CALD1: variants seen among roughly 807,000 people sequenced by gnomAD.
CALD1 encodes caldesmon.
A neutral mutation model predicts 99.9 loss-of-function variants in CALD1; 33 were observed. That is an observed-to-expected ratio of 0.33 (90% CI 0.25 to 0.44). The LOEUF (loss-of-function observed/expected upper bound fraction) is 0.44, where lower values mean the gene tolerates loss of function less well. Among genes scored for constraint, CALD1 ranks in the 20% least tolerant of loss-of-function variants. The pLI, the probability that CALD1 is intolerant of heterozygous loss-of-function variation, is 1.00. For synonymous variants in CALD1, 310 were observed against 325.0 expected, an observed-to-expected ratio of 0.95 and a Z score of 0.50; for missense variants, 861 against 962.1, an observed-to-expected ratio of 0.89 and a Z score of 1.39.
intron 1 of CALD1, among the ~76,000 whole-genome samples, chr7:134,786,437 T>C (rs977393131): frequency 6.6e-6 from 1 of 152,210 alleles, no homozygotes; most frequent in African/African-American, 2.4e-5. Flanking sequence ...ATTTGGGATC[T>C]TAAGTAGAAA....
chr7:134,874,324 G>A (rs893751015), intron 3 of CALD1, among the ~76,000 whole-genome samples: 4 of 151,570 alleles, frequency 2.6e-5, no homozygotes, highest in Non-Finnish European at 4.4e-5. Context: ...TCTCGAGTAG[G>A]CACACGCCAC....
chr7:134,963,085 A>G (rs765321647), intron 13 of CALD1, among the ~76,000 whole-genome samples: 11 of 152,234 alleles, frequency 7.2e-5, no homozygotes, highest in Non-Finnish European at 1.3e-4. Flanking sequence ...TTTCTTAGGT[A>G]GAAGAACGTG....
intron 1 of CALD1, among the ~76,000 whole-genome samples, chr7:134,784,567 A>G (rs976009368): frequency 2.0e-5 from 3 of 152,254 alleles, no homozygotes; most frequent in African/African-American, 7.2e-5. Flanking sequence ...AGCTTAGTGA[A>G]GTAGTGTATG....
At chr7:134,790,502 G>A (rs1296028728) in intron 1 of CALD1, among the ~76,000 whole-genome samples, 1 of 152,146 alleles carries the variant, frequency 6.6e-6, no homozygotes, top group African/African-American at 2.4e-5. Context: ...ACCAGAGCAG[G>A]AGGTTTCCGT....
At chr7:134,731,829 T>C in the CALD1 span, among the ~76,000 whole-genome samples, 1 of 152,324 alleles carries the variant, frequency 6.6e-6, no homozygotes, top group East Asian at 1.9e-4. Flanking sequence ...CTTTACTAAC[T>C]CCTTTCTGAA....
At chr7:134,878,974 CA>C (rs879511930) in intron 3 of CALD1, among the ~76,000 whole-genome samples, 80 of 142,278 alleles carry the variant, frequency 5.6e-4, no homozygotes, top group Admixed American at 5.6e-4. Context: ...GACCTTGTCT[CA>C]AAAAAAAAAA....
intron 1 of CALD1, among the ~76,000 whole-genome samples, chr7:134,820,157 A>T (rs1042481351): frequency 1.4e-4 from 21 of 152,198 alleles, no homozygotes; most frequent in African/African-American, 4.6e-4. Flanking sequence ...AACTTCTAAG[A>T]CATATTCTCA....
At chr7:134,858,616 C>G (rs1210129570) in intron 2 of CALD1, among the ~76,000 whole-genome samples, 1 of 151,982 alleles carries the variant, frequency 6.6e-6, no homozygotes. Flanking sequence ...TGTCACCAGG[C>G]TGGAGTGCGG....
At chr7:134,949,925 C>T (rs1012365479) in intron 8 of CALD1, among the ~76,000 whole-genome samples, 1 of 150,574 alleles carries the variant, frequency 6.6e-6, no homozygotes, top group Non-Finnish European at 1.5e-5. Flanking sequence ...AAAAAAATCA[C>T]AAAAAGGTCT....
intron 1 of CALD1, among the ~76,000 whole-genome samples, chr7:134,837,332 T>C (rs1346635937): frequency 6.9e-6 from 1 of 144,934 alleles, no homozygotes; most frequent in Non-Finnish European, 1.5e-5. Context: ...CAGACTTTTT[T>C]CTTTCGTTCT....
At chr7:134,782,847 C>T (rs778292242) in intron 1 of CALD1, among the ~76,000 whole-genome samples, 3 of 152,172 alleles carry the variant, frequency 2.0e-5, no homozygotes, top group East Asian at 1.9e-4. Context: ...GATATCTTCT[C>T]GCTCCTGGTT....
At chr7:134,768,358 CCTA>C (rs1455592932) in intron 1 of CALD1, among the ~76,000 whole-genome samples, 3 of 152,176 alleles carry the variant, frequency 2.0e-5, no homozygotes, top group African/African-American at 7.2e-5. Flanking sequence ...TCATCTGCAC[CCTA>C]CTGATAAAAC....
chr7:134,808,900 G>A (rs1023004099), intron 1 of CALD1, among the ~76,000 whole-genome samples: 6 of 152,172 alleles, frequency 3.9e-5, no homozygotes, highest in Admixed American at 1.3e-4. Flanking sequence ...ATTTTCAACA[G>A]TATAACATTG....
intron 1 of CALD1, among the ~76,000 whole-genome samples, chr7:134,842,324 TGTATTTTACAAGGTTGTTACA>T (rs1300965232): frequency 6.6e-6 from 1 of 152,258 alleles, no homozygotes; most frequent in East Asian, 1.9e-4. Flanking sequence ...GATAAGAATA[TGTATTTTACAAGGTTGTTACA>T]GTCATCAAAT....
chr7:134,801,931 C>A (rs1175343707), intron 1 of CALD1, among the ~76,000 whole-genome samples: 1 of 152,116 alleles, frequency 6.6e-6, no homozygotes, highest in African/African-American at 2.4e-5. Context: ...GATATTATTA[C>A]ATTTTCTTCT....
At chr7:134,735,579 G>A in the CALD1 span, among the ~76,000 whole-genome samples, 1 of 106,092 alleles carries the variant, frequency 9.4e-6, no homozygotes, top group Non-Finnish European at 2.0e-5. Flanking sequence ...GTGTGTGTGT[G>A]TGTGTGTGTG....
chr7:134,786,607 A>G (rs78270645), intron 1 of CALD1, among the ~76,000 whole-genome samples: 2,999 of 151,448 alleles, frequency 0.02, 96 homozygotes, highest in African/African-American at 0.069. Context: ...TTTTTTTTTC[A>G]TTCGTATATA....
chr7:134,916,540 C>T (rs1163559485), intron 3 of CALD1, among the ~76,000 whole-genome samples: 1 of 152,158 alleles, frequency 6.6e-6, no homozygotes, highest in Non-Finnish European at 1.5e-5. Context: ...TAAGCAGAGC[C>T]TGTCTAGAGA....
intron 1 of CALD1, among the ~76,000 whole-genome samples, chr7:134,838,460 AGTGGATACTAAGCAAAGGGCTG>A (rs1041065579): frequency 2.6e-5 from 4 of 152,236 alleles, no homozygotes; most frequent in Admixed American, 2.6e-4. Context: ...GACAAGAAAC[AGTGGATACTAAGCAAAGGGCTG>A]GATGGATGGT....
Sources: allele counts gnomAD v4.1 joint callset (sites outside exome capture counted in the v4.1 genomes callset), GRCh38; gene constraint gnomAD v4.1.1; transcripts MANE v1.5; gene names NCBI Gene and HGNC (gene_info 2026-07-23, HGNC 2026-07-21).